The following SRPX variants were observed in gnomAD, a reference collection of about 807,000 sequenced individuals.
SRPX encodes sushi repeat containing protein X-linked, also known as sushi repeat-containing protein SRPX.
In SRPX, 24 loss-of-function variants were observed where a neutral mutation model predicts 38.1. The ratio of observed to expected loss-of-function variants is 0.63; its 90% CI spans 0.46 to 0.89. SRPX has a LOEUF of 0.89. Among genes scored for constraint, SRPX ranks in the 40% least tolerant of loss-of-function variants. The pLI is 0.00. For synonymous variants in SRPX, 184 were observed against 153.8 expected (o/e 1.20, Z -1.45); for missense variants, 416 against 377.8 (o/e 1.10, Z -0.84).
intron 1 of SRPX, 39 bp from the exon 2 acceptor site, chrX:38,178,383 C>T (rs1938606662): frequency 9.0e-7 from 1 of 1,111,501 alleles, no homozygotes; most frequent in Non-Finnish European, 1.2e-6. Context: ...CAAGAAAAGC[C>T]ACATAGTATG....
chrX:38,204,885 C>G (rs1199771869), intron 1 of SRPX, among the ~76,000 whole-genome samples: 3 of 112,354 alleles, frequency 2.7e-5, no homozygotes, highest in Non-Finnish European at 5.6e-5. Flanking sequence ...CCCTCTGTTA[C>G]AGGCTCAAAT....
intron 1 of SRPX, among the ~76,000 whole-genome samples, chrX:38,208,848 CTTT>C (rs776432762): frequency 2.5e-5 from 2 of 79,542 alleles, no homozygotes; most frequent in Non-Finnish European, 2.5e-5. Flanking sequence ...TGACTAATTT[CTTT>C]TTTTTTTTTT....
rs755667801 is a variant in SRPX at position 38,171,927 on chromosome X, T to C, written c.480A>G (p.Thr160=). The change falls in exon 4 of 10, where the codon ACA becomes ACG. Residue 160 remains threonine, a synonymous_variant. Transcript: ENST00000378533. The stretch of plus-strand genomic sequence containing the variant: ...CGCTCCAGGCCTTGTTGTCCATACA[T>C]GTGACGGTCCGCTCCCCTTTCAACG... ...GYTLKGERTV[T]CMDNKAWSGR... is the part of the protein sequence containing the mutation. 4 of 1,211,656 alleles carry C rather than the reference T, an allele frequency of 3.3e-6. No homozygotes were observed. Among genetic ancestry groups the C allele is most frequent in the Non-Finnish European group, 4.5e-6 (4 of 895,471 alleles).
intron 1 of SRPX, among the ~76,000 whole-genome samples, chrX:38,184,229 A>G (rs1240599014): frequency 1.8e-5 from 2 of 111,649 alleles, no homozygotes; most frequent in Non-Finnish European, 3.8e-5. Context: ...CTAAAACTAC[A>G]TAGTTCTTTA....
chrX:38,169,979 A>C (rs1246502556), intron 4 of SRPX, among the ~76,000 whole-genome samples: 1 of 112,099 alleles, frequency 8.9e-6, no homozygotes, highest in African/African-American at 3.2e-5. Context: ...AAGACTTTTT[A>C]CCCTCCTGCA....
intron 1 of SRPX, among the ~76,000 whole-genome samples, chrX:38,193,859 T>C (rs771982000): frequency 7.1e-5 from 8 of 112,275 alleles, no homozygotes; most frequent in Admixed American, 4.7e-4. Flanking sequence ...TGGTGAGCCA[T>C]GTAGCCTGGC....
At chrX:38,187,081 T>A (rs916847443) in intron 1 of SRPX, among the ~76,000 whole-genome samples, 1 of 111,637 alleles carries the variant, frequency 9.0e-6, no homozygotes, top group African/African-American at 3.3e-5. Flanking sequence ...TTAAATGGCA[T>A]AATATATATG....
chrX:38,203,292 G>GA (rs1301247021), intron 1 of SRPX, among the ~76,000 whole-genome samples: 1 of 111,722 alleles, frequency 9.0e-6, no homozygotes, highest in Non-Finnish European at 1.9e-5. Context: ...TCTTCAACCT[G>GA]ATGAAGGGGA....
chrX:38,160,312 T>C, intron 6 of SRPX, 116 bp from the exon 7 acceptor site: 1 of 704,350 alleles, frequency 1.4e-6, no homozygotes, highest in Non-Finnish European at 2.1e-6. Flanking sequence ...CATCAGCCTG[T>C]GAAATGAGTG....
At chrX:38,214,191 C>G (rs769324779) in intron 1 of SRPX, among the ~76,000 whole-genome samples, 4 of 111,943 alleles carry the variant, frequency 3.6e-5, no homozygotes, top group Non-Finnish European at 5.6e-5. Flanking sequence ...GCATTTAACT[C>G]TCTGTGTGAC....
At chrX:38,203,633 G>A (rs1340674681) in intron 1 of SRPX, among the ~76,000 whole-genome samples, 7 of 112,540 alleles carry the variant, frequency 6.2e-5, no homozygotes, top group Non-Finnish European at 1.1e-4. Flanking sequence ...ACAGAAATTA[G>A]CCAGGCATGG....
intron 1 of SRPX, among the ~76,000 whole-genome samples, chrX:38,192,564 C>G (rs1460005791): frequency 8.9e-6 from 1 of 112,701 alleles, no homozygotes; most frequent in Non-Finnish European, 1.9e-5. Flanking sequence ...GTCCTGTTTT[C>G]TGTTATTGAG....
intron 5 of SRPX, among the ~76,000 whole-genome samples, chrX:38,161,614 T>G (rs910408354): frequency 8.9e-6 from 1 of 111,825 alleles, no homozygotes; most frequent in Admixed American, 9.5e-5. Context: ...AAAAGTGTTC[T>G]TTGCACTTAC....
intron 8 of SRPX, among the ~76,000 whole-genome samples, chrX:38,155,079 G>A (rs1938107299): frequency 9.1e-6 from 1 of 109,895 alleles, no homozygotes; most frequent in African/African-American, 3.3e-5. Context: ...TGGGAATGTG[G>A]CCCAGTCAAC....
intron 5 of SRPX, among the ~76,000 whole-genome samples, chrX:38,163,896 G>A (rs975334245): frequency 5.4e-5 from 6 of 111,582 alleles, no homozygotes; most frequent in African/African-American, 1.6e-4. Flanking sequence ...GCACAAGAGC[G>A]GCAGCCTTTG....
rs1392216868 is a variant in SRPX at position 38,194,870 on chromosome X, T to G, written c.98-16526A>C. Among the ~76,000 whole-genome samples, 516 of 86,170 alleles carry G rather than the reference T, an allele frequency of 6.0e-3. 9 individuals carry two copies. The highest frequency in any genetic ancestry group is 0.022 in the African/African-American group (491 of 22,468). 74.8% of individuals were successfully genotyped at this position (86,170 alleles called of 115,157 possible). A position where few individuals can be genotyped will look rare whatever the true frequency, so the allele number is the denominator to read the frequency against. On this transcript the variant is annotated intron_variant, in intron 1 of 9. Coordinates refer to ENST00000378533, the MANE Select transcript of SRPX (RefSeq NM_006307.5). ...TTTGTTTGTTTGTTTTTGGTTTTTT[T>G]TTTTTTTTTTTTTTTTTTTTGAGAT...
intron 7 of SRPX, among the ~76,000 whole-genome samples, chrX:38,158,075 T>C (rs1264659422): frequency 8.9e-6 from 1 of 112,071 alleles, no homozygotes. Context: ...CCAAGCACCA[T>C]AGTATCTGCT....
rs1331855933 is a variant in SRPX, at chrX:38,149,444, T to TTATGGTG, written c.*266_*267insCACCATA. 2.7e-5 allele frequency: 7 copies of TTATGGTG among 259,302 alleles called. No individual in the cohort carries two copies. Among genetic ancestry groups the TTATGGTG allele is most frequent in the African/African-American group, 2.0e-4 (7 of 35,677 alleles). The allele number at this position is 259,302 out of a possible 1,213,427, so 21.4% of individuals were successfully genotyped here. ...TAACATGTTGATAGCCTGTGTATGGTTATGGGTTCTAATTTCTCTACAAAA... is the reference window on the plus strand; with the variant it reads ...TAACATGTTGATAGCCTGTGTATGGTTATGGTGTATGGGTTCTAATTTCTCTACAAAA... On this transcript the variant is annotated 3_prime_UTR_variant, in exon 10 of 10. Coordinates refer to ENST00000378533, the MANE Select transcript of SRPX (RefSeq NM_006307.5).
intron 5 of SRPX, among the ~76,000 whole-genome samples, chrX:38,164,555 A>T (rs1302370695): frequency 1.8e-5 from 2 of 112,614 alleles, no homozygotes; most frequent in African/African-American, 6.5e-5. Flanking sequence ...TGCCAGGCAC[A>T]GTTCTGGGCA....
Sources: gnomAD v4.1 joint callset for allele counts (sites outside exome capture counted in the v4.1 genomes callset) on GRCh38, gnomAD v4.1.1 for gene constraint, MANE v1.5 for transcripts, NCBI Gene and HGNC (gene_info 2026-07-23, HGNC 2026-07-21) for gene names.